SNTG1: variants seen among roughly 807,000 people sequenced by gnomAD.
SNTG1 encodes the protein gamma-1-syntrophin.
In SNTG1, 39 loss-of-function variants were observed where a neutral mutation model predicts 74.7. The observed-to-expected ratio is 0.52, with a 90% confidence interval of 0.40 to 0.68. SNTG1 has a LOEUF of 0.68. Ranked by LOEUF, SNTG1 falls within the 30% of genes least tolerant of loss-of-function variation. The pLI, the probability that SNTG1 is intolerant of heterozygous loss-of-function variation, is 0.00. For missense variants in SNTG1, 685 were observed against 609.5 expected (o/e 1.12, Z -1.30); for synonymous variants, 254 against 217.1 (o/e 1.17, Z -1.49).
intron 2 of SNTG1, among the ~76,000 whole-genome samples, chr8:50,273,740 A>G (rs2087919419): frequency 1.3e-5 from 2 of 152,174 alleles, no homozygotes; most frequent in African/African-American, 4.8e-5. Context: ...AATTCTGGGA[A>G]TAATCATGCC....
At position 50,683,143 on chromosome 8, in the gene SNTG1, C is replaced by T. The variant is rs890704628; in HGVS notation, c.1039-21457C>T. 5.3e-5 allele frequency among the ~76,000 whole-genome samples: 8 copies of T among 152,256 alleles called. No individual in the cohort carries two copies. In the South Asian group the frequency reaches 6.2e-4, roughly 12 times the overall value. On this transcript the variant is annotated intron_variant, in intron 15 of 18. Transcript: ENST00000642720. Reference sequence around the variant, plus strand: ...GTGCTATGTCCCCACACTGGAACAGCGCCTGGCACACAGCAGGCTTGCAAT... The same window carrying T: ...GTGCTATGTCCCCACACTGGAACAGTGCCTGGCACACAGCAGGCTTGCAAT...
chr8:50,466,472 AC>A (rs1281237298), intron 8 of SNTG1, among the ~76,000 whole-genome samples: 1 of 152,034 alleles, frequency 6.6e-6, no homozygotes, highest in Non-Finnish European at 1.5e-5. Flanking sequence ...AAATTGGGAA[AC>A]ATGAGCCCTT....
At chr8:50,368,641 T>A (rs1207476998) in intron 2 of SNTG1, among the ~76,000 whole-genome samples, 1 of 151,950 alleles carries the variant, frequency 6.6e-6, no homozygotes, top group African/African-American at 2.4e-5. Flanking sequence ...GCAGGACAGA[T>A]TAAGGAAAAG....
chr8:50,336,698 A>G (rs1265882609), intron 2 of SNTG1, among the ~76,000 whole-genome samples: 1 of 152,220 alleles, frequency 6.6e-6, no homozygotes, highest in Non-Finnish European at 1.5e-5. Context: ...TAATATGTAA[A>G]TGAATGTCCT....
At chr8:49,951,216 A>G (rs1377038827) in intron 1 of SNTG1, among the ~76,000 whole-genome samples, 3 of 152,254 alleles carry the variant, frequency 2.0e-5, no homozygotes, top group Non-Finnish European at 2.9e-5. Context: ...TGCTACGGAA[A>G]ATACTTAAAG....
At chr8:50,571,044 T>A (rs2130761362) in intron 12 of SNTG1, among the ~76,000 whole-genome samples, 1 of 152,306 alleles carries the variant, frequency 6.6e-6, no homozygotes, top group East Asian at 1.9e-4. Context: ...GGAGCAGTTT[T>A]CCTGAACATA....
chr8:50,023,751 A>G (rs1028660723), intron 1 of SNTG1, among the ~76,000 whole-genome samples: 2 of 152,162 alleles, frequency 1.3e-5, no homozygotes, highest in Non-Finnish European at 2.9e-5. Flanking sequence ...TTTTTCCAAT[A>G]TATTTAGTAA....
intron 17 of SNTG1, among the ~76,000 whole-genome samples, chr8:50,730,583 CA>C (rs1373428119): frequency 1.3e-5 from 2 of 152,108 alleles, no homozygotes; most frequent in Non-Finnish European, 2.9e-5. Context: ...CTAGAACTAG[CA>C]GTCAGCATAT....
At chr8:50,054,524 G>T (rs1004242151) in intron 1 of SNTG1, among the ~76,000 whole-genome samples, 2 of 151,738 alleles carry the variant, frequency 1.3e-5, no homozygotes, top group Admixed American at 1.3e-4. Flanking sequence ...TTCCATCTTT[G>T]TTCCATATCA....
chr8:50,274,068 G>C (rs1181808690), intron 2 of SNTG1, among the ~76,000 whole-genome samples: 3 of 151,910 alleles, frequency 2.0e-5, no homozygotes, highest in Non-Finnish European at 4.4e-5. Flanking sequence ...ACTGAATTTT[G>C]TGTGTCAGTT....
intron 1 of SNTG1, among the ~76,000 whole-genome samples, chr8:50,013,712 T>C (rs1275175455): frequency 6.6e-6 from 1 of 152,124 alleles, no homozygotes; most frequent in African/African-American, 2.4e-5. Context: ...TAGCATGTTG[T>C]GCTTTTTTAA....
intron 1 of SNTG1, among the ~76,000 whole-genome samples, chr8:50,095,207 A>G (rs1449702393): frequency 6.6e-6 from 1 of 151,508 alleles, no homozygotes; most frequent in East Asian, 1.9e-4. Flanking sequence ...GTTGGGTACT[A>G]TGCTCACTAC....
chr8:50,726,337 T>C (rs1285920764), intron 17 of SNTG1, among the ~76,000 whole-genome samples: 1 of 152,228 alleles, frequency 6.6e-6, no homozygotes, highest in East Asian at 1.9e-4. Flanking sequence ...AGTGTGTTTT[T>C]GAAAAAGCTT....
intron 1 of SNTG1, among the ~76,000 whole-genome samples, chr8:50,059,486 C>T (rs1820299183): frequency 6.6e-6 from 1 of 152,068 alleles, no homozygotes; most frequent in Non-Finnish European, 1.5e-5. Flanking sequence ...TACCTCTAAA[C>T]ATTACCCTCC....
chr8:49,969,721 T>C (rs1238374707), intron 1 of SNTG1, among the ~76,000 whole-genome samples: 1 of 152,068 alleles, frequency 6.6e-6, no homozygotes, highest in East Asian at 1.9e-4. Context: ...TCAAGTTACA[T>C]CCATTACATA....
chr8:50,395,402 C>T (rs1439396196), intron 3 of SNTG1, among the ~76,000 whole-genome samples: 1 of 151,342 alleles, frequency 6.6e-6, no homozygotes, highest in Non-Finnish European at 1.5e-5. Flanking sequence ...AGAGTGTGTA[C>T]ATTATTCATC....
intron 2 of SNTG1, among the ~76,000 whole-genome samples, chr8:50,332,062 A>G (rs1207966014): frequency 6.6e-6 from 1 of 152,208 alleles, no homozygotes; most frequent in Non-Finnish European, 1.5e-5. Flanking sequence ...GCAGATCCAT[A>G]ATTTAATTCT....
chr8:49,962,961 A>C (rs958805669), intron 1 of SNTG1, among the ~76,000 whole-genome samples: 1 of 152,182 alleles, frequency 6.6e-6, no homozygotes. Flanking sequence ...TGGCAGGAGC[A>C]GGGGTACAGC....
intron 12 of SNTG1, among the ~76,000 whole-genome samples, chr8:50,585,905 T>C (rs1228552608): frequency 6.6e-6 from 1 of 152,226 alleles, no homozygotes; most frequent in African/African-American, 2.4e-5. Flanking sequence ...AGTTCACTTA[T>C]AATTTAGGTT....
Sources: allele counts gnomAD v4.1 joint callset (sites outside exome capture counted in the v4.1 genomes callset), GRCh38; gene constraint gnomAD v4.1.1; transcripts MANE v1.5; gene names NCBI Gene and HGNC (gene_info 2026-07-23, HGNC 2026-07-21).